Variants in SPOCK3 observed in about 807,000 individuals in gnomAD.
The protein encoded by SPOCK3 is SPARC (osteonectin), cwcv and kazal like domains proteoglycan 3.
SPOCK3 carries 30 observed loss-of-function variants against 56.6 expected under a neutral mutation model. The ratio of observed to expected loss-of-function variants is 0.53; its 90% CI spans 0.40 to 0.72. SPOCK3 has a LOEUF of 0.72. Ranked by LOEUF, SPOCK3 falls within the 30% of genes least tolerant of loss-of-function variation. The pLI is 0.00. For missense variants in SPOCK3, 527 were observed against 530.0 expected (o/e 0.99, Z 0.06); for synonymous variants, 196 against 183.3 (o/e 1.07, Z -0.56).
At chr4:167,131,575 C>G (rs1212150963) in intron 2 of SPOCK3, among the ~76,000 whole-genome samples, 1 of 152,120 alleles carries the variant, frequency 6.6e-6, no homozygotes, top group Non-Finnish European at 1.5e-5. Flanking sequence ...TGCACTCCAG[C>G]CTGGGCGACA....
intron 4 of SPOCK3, among the ~76,000 whole-genome samples, chr4:166,918,169 G>A (rs550738162): frequency 1.3e-5 from 2 of 152,086 alleles, no homozygotes; most frequent in Admixed American, 1.3e-4. Flanking sequence ...TCTTAGCAAA[G>A]GACAGTTGCT....
intron 2 of SPOCK3, among the ~76,000 whole-genome samples, chr4:167,076,528 T>G (rs1757200537): frequency 6.6e-6 from 1 of 151,902 alleles, no homozygotes. Flanking sequence ...TAGCTAATAT[T>G]ATATAGTTTG....
intron 6 of SPOCK3, among the ~76,000 whole-genome samples, chr4:166,850,078 C>T (rs1413455702): frequency 6.6e-6 from 1 of 152,202 alleles, no homozygotes; most frequent in African/African-American, 2.4e-5. Context: ...ACTCTGCTTT[C>T]ATTTTTGCAG....
At chr4:166,841,192 G>A (rs929456065) in intron 6 of SPOCK3, among the ~76,000 whole-genome samples, 2 of 152,112 alleles carry the variant, frequency 1.3e-5, no homozygotes, top group Admixed American at 6.5e-5. Flanking sequence ...ACATAAACAC[G>A]CTAGAAACGT....
At chr4:166,876,106 A>G (rs1733054370) in intron 6 of SPOCK3, among the ~76,000 whole-genome samples, 1 of 152,188 alleles carries the variant, frequency 6.6e-6, no homozygotes, top group Non-Finnish European at 1.5e-5. Flanking sequence ...GGAAGAAGGC[A>G]TTATCTTTAC....
At chr4:167,180,991 A>G (rs1731404620) in intron 2 of SPOCK3, among the ~76,000 whole-genome samples, 1 of 152,162 alleles carries the variant, frequency 6.6e-6, no homozygotes, top group South Asian at 2.1e-4. Context: ...ATTGAATAGG[A>G]CCAATCCATG....
chr4:167,227,594 T>C (rs545309808), intron 2 of SPOCK3, among the ~76,000 whole-genome samples: 63 of 152,180 alleles, frequency 4.1e-4, no homozygotes, highest in African/African-American at 1.4e-3. Context: ...TGTCCAAATC[T>C]GTAAACTAGA....
chr4:166,820,158 C>T (rs951282102), intron 6 of SPOCK3, among the ~76,000 whole-genome samples: 1 of 151,994 alleles, frequency 6.6e-6, no homozygotes. Context: ...AGCATACTGA[C>T]TATAGTTAAT....
At chr4:166,882,670 A>T (rs1202376723) in intron 6 of SPOCK3, among the ~76,000 whole-genome samples, 1 of 152,218 alleles carries the variant, frequency 6.6e-6, no homozygotes, top group Non-Finnish European at 1.5e-5. Flanking sequence ...CAAAATTTCT[A>T]AGTAAAATTA....
intron 8 of SPOCK3, 152 bp from the exon 9 acceptor site, chr4:166,742,211 G>A (rs991413948): frequency 1.7e-6 from 1 of 579,826 alleles, no homozygotes; most frequent in Non-Finnish European, 3.1e-6. Context: ...CATTCATATA[G>A]GTACATACAT....
chr4:167,012,413 C>T (rs1750173809), intron 3 of SPOCK3, among the ~76,000 whole-genome samples: 1 of 151,870 alleles, frequency 6.6e-6, no homozygotes, highest in Non-Finnish European at 1.5e-5. Flanking sequence ...TTATGGCAAA[C>T]ACATAAGCAA....
chr4:166,949,515 T>C (rs1446665960), intron 4 of SPOCK3, among the ~76,000 whole-genome samples: 2 of 152,178 alleles, frequency 1.3e-5, no homozygotes, highest in Non-Finnish European at 2.9e-5. Flanking sequence ...CAGATGGGTT[T>C]TTAGTGTGGA....
intron 5 of SPOCK3, among the ~76,000 whole-genome samples, chr4:166,896,098 G>A (rs189835760): frequency 6.6e-6 from 1 of 152,268 alleles, no homozygotes; most frequent in East Asian, 1.9e-4. Flanking sequence ...TTAAGAGTAA[G>A]TTTCTATAGG....
At chr4:167,055,065 T>C (rs1167674580) in intron 3 of SPOCK3, among the ~76,000 whole-genome samples, 1 of 152,146 alleles carries the variant, frequency 6.6e-6, no homozygotes, top group Non-Finnish European at 1.5e-5. Flanking sequence ...AATGGATATA[T>C]TAATAGTTAA....
intron 7 of SPOCK3, among the ~76,000 whole-genome samples, chr4:166,789,170 C>T (rs1560858634): frequency 1.3e-5 from 2 of 152,190 alleles, no homozygotes; most frequent in South Asian, 2.1e-4. Flanking sequence ...TGGCTCACCC[C>T]TGTAATCCCA....
intron 6 of SPOCK3, among the ~76,000 whole-genome samples, chr4:166,843,876 G>A (rs2126844129): frequency 6.6e-6 from 1 of 152,236 alleles, no homozygotes; most frequent in South Asian, 2.1e-4. Context: ...TAAATAATGG[G>A]GCTTGAAACT....
intron 4 of SPOCK3, among the ~76,000 whole-genome samples, chr4:166,955,056 A>C (rs1002790296): frequency 1.3e-5 from 2 of 152,160 alleles, no homozygotes; most frequent in African/African-American, 4.8e-5. Flanking sequence ...TCTTGGTTCA[A>C]GGTTATTTTT....
chr4:166,844,546 A>G (rs761798402), intron 6 of SPOCK3, among the ~76,000 whole-genome samples: 20 of 152,196 alleles, frequency 1.3e-4, no homozygotes, highest in Non-Finnish European at 2.4e-4. Context: ...AGACCATACA[A>G]GCAAAAGGTT....
intron 5 of SPOCK3, among the ~76,000 whole-genome samples, chr4:166,891,733 A>T (rs1734807875): frequency 6.6e-6 from 1 of 152,042 alleles, no homozygotes; most frequent in Admixed American, 6.6e-5. Flanking sequence ...AATATTCTGC[A>T]CTGTATCTTC....
Sources: allele counts gnomAD v4.1 joint callset (sites outside exome capture counted in the v4.1 genomes callset), GRCh38; gene constraint gnomAD v4.1.1; transcripts MANE v1.5; gene names NCBI Gene and HGNC (gene_info 2026-07-23, HGNC 2026-07-21).